The following NBEA variants were observed in gnomAD, a reference collection of about 807,000 sequenced individuals.
NBEA encodes neurobeachin.
NBEA carries 44 observed loss-of-function variants against 343.4 expected under a neutral mutation model. That is an observed-to-expected ratio of 0.13 (90% CI 0.10 to 0.16). NBEA has a LOEUF of 0.16. Ranked by LOEUF, NBEA falls within the 10% of genes least tolerant of loss-of-function variation. The pLI is 1.00. For synonymous variants in NBEA, 1,175 were observed against 1,238.7 expected (o/e 0.95, Z 1.08); for missense variants, 2,555 against 3,631.3 (o/e 0.70, Z 7.62).
intron 38 of NBEA, among the ~76,000 whole-genome samples, chr13:35,387,977 C>G (rs1011921555): frequency 2.0e-5 from 3 of 152,108 alleles, no homozygotes; most frequent in Non-Finnish European, 2.9e-5. Flanking sequence ...AGAGGAAAAT[C>G]TTTCCCCCCA....
At chr13:35,453,259 T>G (rs1046406731) in intron 40 of NBEA, among the ~76,000 whole-genome samples, 37 of 152,366 alleles carry the variant, frequency 2.4e-4, no homozygotes, top group African/African-American at 8.9e-4. Context: ...CTCCCTTTTC[T>G]AGATTAAGAA....
intron 40 of NBEA, among the ~76,000 whole-genome samples, chr13:35,465,054 C>CTAGAATGA (rs2047095965): frequency 6.6e-6 from 1 of 151,918 alleles, no homozygotes; most frequent in African/African-American, 2.4e-5. Context: ...TGTAATATAA[C>CTAGAATGA]TAGAATGATC....
intron 17 of NBEA, among the ~76,000 whole-genome samples, chr13:35,139,493 T>C (rs772859192): frequency 6.6e-6 from 1 of 151,964 alleles, no homozygotes; most frequent in Non-Finnish European, 1.5e-5. Flanking sequence ...TAAAAAAAAA[T>C]AGATTACACT....
intron 31 of NBEA, among the ~76,000 whole-genome samples, chr13:35,202,931 C>T (rs1314159948): frequency 1.3e-5 from 2 of 152,130 alleles, no homozygotes; most frequent in African/African-American, 4.8e-5. Flanking sequence ...TGTTCACCTC[C>T]AGTTCTTATT....
At chr13:35,646,721 A>T (rs1335397006) in intron 51 of NBEA, among the ~76,000 whole-genome samples, 1 of 152,232 alleles carries the variant, frequency 6.6e-6, no homozygotes, top group South Asian at 2.1e-4. Flanking sequence ...ATTTCGTGGC[A>T]AGATACAGTA....
rs191505846 is a variant in NBEA, at chr13:35,325,194, G to A, written c.5903+15602G>A. ...TCATAAAGCAGACTTCAAAACAATC[G>A]ATTATACCAAAGTCTAGATTTCCGT... On this transcript the variant is annotated intron_variant, in intron 36 of 58. Coordinates refer to ENST00000379939, the MANE Select transcript of NBEA (RefSeq NM_001385012.1). Among the ~76,000 whole-genome samples, 122 of 151,820 alleles carry A rather than the reference G, an allele frequency of 8.0e-4. 1 individual carries two copies. The highest frequency in any genetic ancestry group is 3.4e-3 in the Middle Eastern group (1 of 294).
chr13:35,307,577 T>C (rs951931168), intron 35 of NBEA, among the ~76,000 whole-genome samples: 3 of 152,066 alleles, frequency 2.0e-5, no homozygotes, highest in Non-Finnish European at 2.9e-5. Flanking sequence ...CTGTGAAATA[T>C]CTTACCGAAA....
chr13:35,299,560 G>T (rs1013186581), intron 35 of NBEA, among the ~76,000 whole-genome samples: 1 of 152,166 alleles, frequency 6.6e-6, no homozygotes, highest in African/African-American at 2.4e-5. Context: ...CCTTCATCTT[G>T]AGGAAATTTT....
chr13:35,618,786 C>G (rs954832381), intron 48 of NBEA, among the ~76,000 whole-genome samples: 8 of 152,156 alleles, frequency 5.3e-5, no homozygotes, highest in Non-Finnish European at 1.0e-4. Flanking sequence ...TAACATTACC[C>G]TAATGCTGGG....
intron 41 of NBEA, among the ~76,000 whole-genome samples, chr13:35,550,264 A>G (rs995831459): frequency 4.6e-5 from 7 of 152,174 alleles, no homozygotes; most frequent in African/African-American, 1.4e-4. Flanking sequence ...GTCTCCTTGA[A>G]TATGTTTTTC....
chr13:35,356,645 A>G (rs1247667815), intron 38 of NBEA, among the ~76,000 whole-genome samples: 2 of 152,118 alleles, frequency 1.3e-5, no homozygotes, highest in Non-Finnish European at 1.5e-5. Context: ...AGTTCATCCT[A>G]CTGAACTTCT....
intron 1 of NBEA, among the ~76,000 whole-genome samples, chr13:35,004,188 A>G (rs191510173): frequency 6.6e-6 from 1 of 152,034 alleles, no homozygotes; most frequent in Non-Finnish European, 1.5e-5. Flanking sequence ...ATTGATGGGC[A>G]TTTGGGTTGA....
chr13:35,179,165 T>C (rs2071129198), intron 28 of NBEA, among the ~76,000 whole-genome samples: 1 of 151,592 alleles, frequency 6.6e-6, no homozygotes, highest in Admixed American at 6.6e-5. Flanking sequence ...AAGATCTGGG[T>C]TTGAATTCTG....
intron 23 of NBEA, among the ~76,000 whole-genome samples, chr13:35,162,822 A>C (rs1435280702): frequency 6.6e-6 from 1 of 152,154 alleles, no homozygotes; most frequent in African/African-American, 2.4e-5. Flanking sequence ...TAATAAAACA[A>C]AATATAAAAT....
At chr13:35,571,648 A>C (rs958413531) in intron 45 of NBEA, among the ~76,000 whole-genome samples, 2 of 152,132 alleles carry the variant, frequency 1.3e-5, no homozygotes, top group African/African-American at 4.8e-5. Context: ...AGAGTTCACT[A>C]TCTTTGGTAT....
In NBEA at chr13:35,171,303, G is replaced by T. The variant is rs2070447224; in HGVS notation, c.4274G>T (p.Gly1425Val). 6.2e-7 allele frequency: 1 copy of T among 1,611,944 alleles called. No individual in the cohort carries two copies. Among genetic ancestry groups the T allele is most frequent in the African/African-American group, 1.3e-5 (1 of 74,956 alleles). Residue 1425 changes from glycine (G) to valine (V), a missense_variant, in exon 26 of 59, where the codon GGC becomes GTC. Gly to Val is a moderately radical substitution (Grantham distance 109). Transcript: ENST00000379939. Reference sequence around the variant, plus strand: ...TTGGAAAATATTGAAGTGACACAAGGCATGTCAGCTGAGACAGCAGTAACT... The same window carrying T: ...TTGGAAAATATTGAAGTGACACAAGTCATGTCAGCTGAGACAGCAGTAACT... ...TELENIEVTQ[G>V]MSAETAVTFL...
chr13:35,566,669 A>C (rs747380368), intron 44 of NBEA, among the ~76,000 whole-genome samples: 4 of 152,222 alleles, frequency 2.6e-5, no homozygotes, highest in African/African-American at 9.6e-5. Flanking sequence ...AGGAGAATCA[A>C]TTACAATAAC....
intron 1 of NBEA, among the ~76,000 whole-genome samples, chr13:35,021,159 C>A (rs2061825359): frequency 6.6e-6 from 1 of 151,928 alleles, no homozygotes; most frequent in African/African-American, 2.4e-5. Flanking sequence ...GTGTCATGGG[C>A]TGGCAAACTA....
At chr13:34,973,550 A>C (rs1428438317) in intron 1 of NBEA, among the ~76,000 whole-genome samples, 2 of 152,108 alleles carry the variant, frequency 1.3e-5, no homozygotes, top group Admixed American at 1.3e-4. Context: ...AAAACGGATC[A>C]GTCTGGTCAT....
Sources: gnomAD v4.1 joint callset for allele counts (sites outside exome capture counted in the v4.1 genomes callset) on GRCh38, gnomAD v4.1.1 for gene constraint, MANE v1.5 for transcripts, NCBI Gene and HGNC (gene_info 2026-07-23, HGNC 2026-07-21) for gene names.